The following NRXN3 variants were observed in gnomAD, a reference collection of about 807,000 sequenced individuals.
NRXN3 encodes the protein neurexin 3, also known as neurexin III.
NRXN3 carries 32 observed loss-of-function variants against 137.6 expected under a neutral mutation model. The observed-to-expected ratio is 0.23, with a 90% CI of 0.18 to 0.31. The LOEUF is 0.31. Among genes scored for constraint, NRXN3 ranks in the 10% least tolerant of loss-of-function variants. The pLI, the probability that NRXN3 is intolerant of heterozygous loss-of-function variation, is 1.00. For missense variants in NRXN3, 1,574 were observed against 2,062.5 expected (o/e 0.76, Z 4.59); for synonymous variants, 798 against 784.5 (o/e 1.02, Z -0.29).
At chr14:79,309,674 G>A (rs2086845291) in intron 15 of NRXN3, among the ~76,000 whole-genome samples, 1 of 142,124 alleles carries the variant, frequency 7.0e-6, no homozygotes, top group Non-Finnish European at 1.5e-5. Flanking sequence ...GCATTTCTCT[G>A]ATGGCCATTG....
intron 15 of NRXN3, among the ~76,000 whole-genome samples, chr14:79,158,766 A>G (rs2060487803): frequency 6.6e-6 from 1 of 151,890 alleles, no homozygotes; most frequent in Non-Finnish European, 1.5e-5. Flanking sequence ...GATTTAGTCC[A>G]TCCTTAAAGA....
intron 20 of NRXN3, among the ~76,000 whole-genome samples, chr14:79,822,231 C>A (rs1188342407): frequency 6.6e-6 from 1 of 152,134 alleles, no homozygotes; most frequent in South Asian, 2.1e-4. Flanking sequence ...GATTAAGCAA[C>A]CTAGAGTACT....
chr14:78,219,361 G>C (rs1192181772), intron 1 of NRXN3, among the ~76,000 whole-genome samples: 5 of 152,180 alleles, frequency 3.3e-5, no homozygotes, highest in Non-Finnish European at 5.9e-5. Flanking sequence ...AGGAGACATT[G>C]AATAGGGTGA....
chr14:78,270,759 A>G (rs1174877305), intron 2 of NRXN3, among the ~76,000 whole-genome samples: 2 of 152,278 alleles, frequency 1.3e-5, no homozygotes, highest in Non-Finnish European at 2.9e-5. Context: ...CACAATAGTC[A>G]TATAAATTAG....
chr14:79,432,343 C>T (rs933736474), intron 15 of NRXN3, among the ~76,000 whole-genome samples: 1 of 152,292 alleles, frequency 6.6e-6, no homozygotes, highest in South Asian at 2.1e-4. Context: ...TTTGGAAGGA[C>T]TGCCTGATAA....
chr14:78,940,978 G>C (rs1424966531), intron 10 of NRXN3, among the ~76,000 whole-genome samples: 1 of 152,160 alleles, frequency 6.6e-6, no homozygotes, highest in Non-Finnish European at 1.5e-5. Context: ...AGGATAATTA[G>C]TTGTAATAAG....
At chr14:79,206,562 C>T (rs2066819366) in intron 15 of NRXN3, among the ~76,000 whole-genome samples, 1 of 152,152 alleles carries the variant, frequency 6.6e-6, no homozygotes, top group African/African-American at 2.4e-5. Context: ...TAAAGGCTAG[C>T]CTGAAGAGTA....
In NRXN3 at chr14:79,242,609, T is replaced by TAA. The variant is rs201455226; in HGVS notation, c.3263-224611_3263-224610dup. On this transcript the variant is annotated intron_variant, in intron 15 of 20. Coordinates refer to ENST00000335750, the MANE Select transcript of NRXN3 (RefSeq NM_001330195.2). ...GTATTTATCATGCCCTCTCCAGAGG[T>TAA]AACTGCAATTTTGCTTAAGTGTACT... 4.6e-3 allele frequency among the ~76,000 whole-genome samples: 702 copies of TAA among 152,236 alleles called. 6 individuals are homozygous for TAA. The highest frequency in any genetic ancestry group is 0.032 in the South Asian group (154 of 4,818).
chr14:79,257,366 G>T (rs1597921208), intron 15 of NRXN3, among the ~76,000 whole-genome samples: 1 of 121,226 alleles, frequency 8.2e-6, no homozygotes, highest in Admixed American at 8.8e-5. Flanking sequence ...TGGTGGTGGT[G>T]GTGGTGGTGG....
chr14:78,837,443 G>A (rs1213033633), intron 10 of NRXN3, among the ~76,000 whole-genome samples: 3 of 152,118 alleles, frequency 2.0e-5, no homozygotes, highest in Non-Finnish European at 4.4e-5. Flanking sequence ...TTTATGGAAG[G>A]AAACCTGAAA....
intron 15 of NRXN3, among the ~76,000 whole-genome samples, chr14:79,397,421 T>C (rs2095058057): frequency 6.6e-6 from 1 of 152,196 alleles, no homozygotes. Context: ...AACAAACACT[T>C]GGATGAATAA....
chr14:79,214,105 G>T (rs895345151), intron 15 of NRXN3, among the ~76,000 whole-genome samples: 2 of 152,164 alleles, frequency 1.3e-5, no homozygotes, highest in African/African-American at 4.8e-5. Context: ...TTTTCAGGAG[G>T]CTCTCAGTTA....
intron 16 of NRXN3, among the ~76,000 whole-genome samples, chr14:79,637,406 T>G (rs1285981646): frequency 6.6e-6 from 1 of 152,122 alleles, no homozygotes. Context: ...ACACATTCAC[T>G]TCCCTTAAAC....
intron 16 of NRXN3, among the ~76,000 whole-genome samples, chr14:79,540,418 T>G (rs1309382131): frequency 6.6e-6 from 1 of 152,150 alleles, no homozygotes; most frequent in Non-Finnish European, 1.5e-5. Flanking sequence ...TACCTTTTTC[T>G]TCTGGTGAGA....
rs528787175 is a variant in NRXN3, at chr14:78,650,363, C to T, written c.1060-802C>T. On this transcript the variant is annotated intron_variant, in intron 5 of 20. Coordinates refer to ENST00000335750, the MANE Select transcript of NRXN3 (RefSeq NM_001330195.2). ...TGAGGCCCCATCGTTTCTCTCTGCC[C>T]TCTGCTCCTTTCATGGATGTTGGGT... is the stretch of plus-strand genomic sequence containing the variant. Among the ~76,000 whole-genome samples, 14 of 152,200 alleles carry T rather than the reference C, an allele frequency of 9.2e-5. No individual in the cohort carries two copies. In the South Asian group the frequency reaches 2.3e-3, roughly 25 times the overall value.
At chr14:78,352,092 GAA>G (rs10545820) in intron 4 of NRXN3, among the ~76,000 whole-genome samples, 134,647 of 144,834 alleles carry the variant, frequency 0.93, 62,577 homozygotes, top group Admixed American at 0.96. Flanking sequence ...TGTCTTAAAA[GAA>G]AAAAAAAAAA....
chr14:78,268,296 A>C (rs1340792011), intron 2 of NRXN3, among the ~76,000 whole-genome samples: 1 of 151,330 alleles, frequency 6.6e-6, no homozygotes, highest in African/African-American at 2.4e-5. Flanking sequence ...TTTTGTTTTC[A>C]AAGAACAACT....
chr14:79,151,126 C>A (rs1417275982), intron 15 of NRXN3, among the ~76,000 whole-genome samples: 1 of 151,966 alleles, frequency 6.6e-6, no homozygotes, highest in Non-Finnish European at 1.5e-5. Context: ...AAGGGGTGAA[C>A]TGGGGCCTGA....
At chr14:78,583,412 A>G (rs1158271260) in intron 4 of NRXN3, among the ~76,000 whole-genome samples, 1 of 151,780 alleles carries the variant, frequency 6.6e-6, no homozygotes, top group Admixed American at 6.6e-5. Flanking sequence ...TATAATGAAA[A>G]AAACCTCAAT....
Sources: allele counts gnomAD v4.1 joint callset (sites outside exome capture counted in the v4.1 genomes callset), GRCh38; gene constraint gnomAD v4.1.1; transcripts MANE v1.5; gene names NCBI Gene and HGNC (gene_info 2026-07-23, HGNC 2026-07-21).